The following DYM variants were observed in gnomAD, a reference collection of about 807,000 sequenced individuals.
DYM encodes the protein dymeclin.
A neutral mutation model predicts 93.1 loss-of-function variants in DYM; 78 were observed. That is an observed-to-expected ratio of 0.84 (90% CI 0.70 to 1.01). The LOEUF is 1.01. Ranked by LOEUF, DYM falls within the 50% of genes least tolerant of loss-of-function variation. DYM has a pLI of 0.00. For synonymous variants in DYM, 321 were observed against 319.7 expected, an observed-to-expected ratio of 1.00 and a Z score of -0.04; for missense variants, 789 against 845.0, an observed-to-expected ratio of 0.93 and a Z score of 0.82.
intron 2 of DYM, among the ~76,000 whole-genome samples, chr18:49,422,868 C>A (rs973088437): frequency 1.3e-5 from 2 of 152,072 alleles, no homozygotes; most frequent in African/African-American, 4.8e-5. Flanking sequence ...ATATATGCAC[C>A]CAATACAGGA....
At chr18:49,227,064 C>T (rs2093558200) in intron 13 of DYM, among the ~76,000 whole-genome samples, 1 of 152,068 alleles carries the variant, frequency 6.6e-6, no homozygotes, top group African/African-American at 2.4e-5. Context: ...TAATCTGAGG[C>T]ATAAACACTA....
intron 15 of DYM, among the ~76,000 whole-genome samples, chr18:49,135,764 T>A (rs1402561043): frequency 6.6e-6 from 1 of 152,230 alleles, no homozygotes; most frequent in Non-Finnish European, 1.5e-5. Context: ...TGCTCTAAGC[T>A]GTGAATCTGA....
At chr18:49,415,321 C>CA (rs71165393) in intron 2 of DYM, among the ~76,000 whole-genome samples, 54,259 of 86,982 alleles carry the variant, frequency 0.62, 16,904 homozygotes, top group Non-Finnish European at 0.72. Context: ...CTGGGTCTCT[C>CA]AAAAAAAAAA....
In DYM at chr18:49,423,278, C is replaced by T. The variant is rs1219192327; in HGVS notation, c.140+6977G>A. ...CTCAACTACATGGAAACTGAACAAC[C>T]TGCTCCTGAATGACTACTGGGTACA... On this transcript the variant is annotated intron_variant, in intron 2 of 17. Transcript: ENST00000675505. Among the ~76,000 whole-genome samples the T allele has an allele frequency of 2.0e-5, 3 of 152,250 alleles. No individual in the cohort carries two copies. The East Asian group carries it at 5.8e-4, about 29-fold the overall frequency.
At chr18:49,155,249 A>G (rs903982003) in intron 15 of DYM, among the ~76,000 whole-genome samples, 1 of 152,230 alleles carries the variant, frequency 6.6e-6, no homozygotes, top group Non-Finnish European at 1.5e-5. Context: ...TCAAAGTACA[A>G]GATTTATTTT....
At chr18:49,376,110 T>C (rs1036135479) in intron 5 of DYM, among the ~76,000 whole-genome samples, 4 of 152,120 alleles carry the variant, frequency 2.6e-5, no homozygotes, top group Non-Finnish European at 5.9e-5. Context: ...CTTCACGTTG[T>C]GATCATGTGA....
intron 13 of DYM, among the ~76,000 whole-genome samples, chr18:49,211,949 G>T (rs1248464355): frequency 6.6e-6 from 1 of 152,106 alleles, no homozygotes; most frequent in Non-Finnish European, 1.5e-5. Flanking sequence ...ACATATTCTT[G>T]AAAAATGTGT....
chr18:49,400,910 A>C (rs1187404486), intron 2 of DYM, among the ~76,000 whole-genome samples: 3 of 152,200 alleles, frequency 2.0e-5, no homozygotes, highest in Non-Finnish European at 4.4e-5. Context: ...AAATGAGCTC[A>C]GATGTGCTGG....
At chr18:49,416,990 C>G (rs2073066239) in intron 2 of DYM, among the ~76,000 whole-genome samples, 1 of 152,214 alleles carries the variant, frequency 6.6e-6, no homozygotes, top group Non-Finnish European at 1.5e-5. Context: ...GCATCATGAA[C>G]TATGTTGGGA....
At chr18:49,277,144 CGGCCACTGGGAAATGTCTGG>C (rs1568155167) in intron 10 of DYM, among the ~76,000 whole-genome samples, 1 of 151,996 alleles carries the variant, frequency 6.6e-6, no homozygotes, top group Non-Finnish European at 1.5e-5. Context: ...GTCTATGAGA[CGGCCACTGGGAAATGTCTGG>C]GGCAGCTGGA....
At chr18:49,306,063 G>T (rs1242501886) in intron 8 of DYM, among the ~76,000 whole-genome samples, 1 of 152,150 alleles carries the variant, frequency 6.6e-6, no homozygotes, top group African/African-American at 2.4e-5. Context: ...ATCAGATACA[G>T]CTGAAAAGAA....
At chr18:49,201,541 C>T (rs1272292360) in intron 14 of DYM, among the ~76,000 whole-genome samples, 2 of 152,180 alleles carry the variant, frequency 1.3e-5, no homozygotes, top group African/African-American at 4.8e-5. Flanking sequence ...ACAAAAAAAG[C>T]CAGAACAAAT....
chr18:49,241,519 C>G lies in DYM; in HGVS notation c.1460+15491G>C, dbSNP rs1276347577. 2.6e-5 allele frequency among the ~76,000 whole-genome samples: 4 copies of G among 152,206 alleles called. No homozygotes were observed. In the East Asian group the frequency reaches 5.8e-4, roughly 22 times the overall value. Reference sequence around the variant, plus strand: ...TGATAGAGTAAGCCCCGAACTCAATCAGATTCTAAATGACTAAGGACCAAA... The same window carrying G: ...TGATAGAGTAAGCCCCGAACTCAATGAGATTCTAAATGACTAAGGACCAAA... On this transcript the variant is annotated intron_variant, in intron 13 of 17. Coordinates refer to ENST00000675505, the MANE Select transcript of DYM (RefSeq NM_001353214.3).
At chr18:49,054,305 G>A (rs754897626) in intron 17 of DYM, among the ~76,000 whole-genome samples, 2 of 152,102 alleles carry the variant, frequency 1.3e-5, no homozygotes, top group African/African-American at 2.4e-5. Flanking sequence ...GCAGTGGTGC[G>A]ATCTCGGCTC....
chr18:49,315,126 G>A (rs1456647537), intron 8 of DYM, among the ~76,000 whole-genome samples: 1 of 151,696 alleles, frequency 6.6e-6, no homozygotes, highest in Admixed American at 6.6e-5. Flanking sequence ...GAGGTGGGAG[G>A]ATCGCTTAAG....
At position 49,313,395 on chromosome 18, in the gene DYM, G is replaced by A. The variant is rs541920335; in HGVS notation, c.763+18469C>T. 1.1e-4 allele frequency among the ~76,000 whole-genome samples: 16 copies of A among 144,834 alleles called. No homozygotes were observed. In the South Asian group the frequency reaches 2.9e-3, roughly 27 times the overall value. On this transcript the variant is annotated intron_variant, in intron 8 of 17. Coordinates refer to ENST00000675505, the MANE Select transcript of DYM (RefSeq NM_001353214.3). ...GAAGAATCACTTGAACCAGGGGGGC[G>A]GAGGTTCCAGTTAGCCAAGGTCGCA...
intron 14 of DYM, chr18:49,208,768 A>G (rs1054578220): frequency 6.6e-6 from 1 of 152,128 alleles, no homozygotes; most frequent in African/African-American, 2.4e-5. Flanking sequence ...TTAAATCACC[A>G]TATCTAGCTA....
At chr18:49,069,591 T>G (rs1273273459) in intron 17 of DYM, among the ~76,000 whole-genome samples, 1 of 152,358 alleles carries the variant, frequency 6.6e-6, no homozygotes, top group South Asian at 2.1e-4. Flanking sequence ...CATATACTTA[T>G]AAAAGTAAGA....
chr18:49,458,557 CCAGGTGCAGTGGCT>C (rs1322363791), intron 1 of DYM, among the ~76,000 whole-genome samples: 1 of 152,102 alleles, frequency 6.6e-6, no homozygotes, highest in African/African-American at 2.4e-5. Flanking sequence ...AAAGAGCAGG[CCAGGTGCAGTGGCT>C]CACCCCTGTA....
Sources: gnomAD v4.1 joint callset for allele counts (sites outside exome capture counted in the v4.1 genomes callset) on GRCh38, gnomAD v4.1.1 for gene constraint, MANE v1.5 for transcripts, NCBI Gene and HGNC (gene_info 2026-07-23, HGNC 2026-07-21) for gene names.